PKHD1: variants seen among roughly 807,000 people sequenced by gnomAD.
The protein encoded by PKHD1 is fibrocystin.
Under a neutral mutation model 412.0 loss-of-function variants are expected in PKHD1, and 291 were observed. That is an observed-to-expected ratio of 0.71 (90% CI 0.64 to 0.78). The LOEUF (loss-of-function observed/expected upper bound fraction) is 0.78, where lower values mean the gene tolerates loss of function less well. PKHD1 is among the 30% of genes least tolerant of loss of function. The pLI is 0.00. For synonymous variants in PKHD1, 1,777 were observed against 1,821.5 expected, an observed-to-expected ratio of 0.98 and a Z score of 0.62; for missense variants, 4,825 against 4,950.7, an observed-to-expected ratio of 0.97 and a Z score of 0.76.
At chr6:52,018,503 T>C (rs756328082) in intron 33 of PKHD1, among the ~76,000 whole-genome samples, 1 of 152,188 alleles carries the variant, frequency 6.6e-6, no homozygotes, top group Non-Finnish European at 1.5e-5. Context: ...TCATTACTTT[T>C]AGGTTGACCA....
intron 60 of PKHD1, among the ~76,000 whole-genome samples, chr6:51,713,953 C>A (rs964162837): frequency 6.6e-6 from 1 of 152,142 alleles, no homozygotes; most frequent in African/African-American, 2.4e-5. Flanking sequence ...TTGCATCAGA[C>A]AATTCCTGTC....
At chr6:51,905,460 G>GT (rs1781934593) in intron 41 of PKHD1, among the ~76,000 whole-genome samples, 1 of 152,158 alleles carries the variant, frequency 6.6e-6, no homozygotes, top group South Asian at 2.1e-4. Context: ...CAAGAGAAGA[G>GT]TAAGTGGCAT....
intron 53 of PKHD1, among the ~76,000 whole-genome samples, chr6:51,784,387 T>C (rs976457330): frequency 6.6e-6 from 1 of 152,144 alleles, no homozygotes; most frequent in Non-Finnish European, 1.5e-5. Context: ...TTGAAACAAA[T>C]CAATTATCTC....
intron 35 of PKHD1, among the ~76,000 whole-genome samples, chr6:51,965,429 T>C (rs1384414240): frequency 6.6e-6 from 1 of 152,110 alleles, no homozygotes; most frequent in Non-Finnish European, 1.5e-5. Context: ...TGTAGAAAAG[T>C]CAACTATCTA....
At chr6:51,688,257 A>C (rs1279471152) in intron 60 of PKHD1, among the ~76,000 whole-genome samples, 3 of 152,340 alleles carry the variant, frequency 2.0e-5, no homozygotes, top group Middle Eastern at 3.4e-3. Context: ...TGGTTTGTTA[A>C]ACACAACCCC....
At chr6:51,996,965 C>T (rs1797789777) in intron 35 of PKHD1, among the ~76,000 whole-genome samples, 2 of 152,208 alleles carry the variant, frequency 1.3e-5, no homozygotes, top group Admixed American at 6.5e-5. Context: ...TATAAGTGCA[C>T]AGTGATCACT....
At chr6:51,691,664 G>T (rs1246866073) in intron 60 of PKHD1, among the ~76,000 whole-genome samples, 1 of 152,108 alleles carries the variant, frequency 6.6e-6, no homozygotes, top group Non-Finnish European at 1.5e-5. Context: ...GATGGGTAGA[G>T]GGTAGAAGAA....
rs531523068 is a variant in PKHD1 at position 51,717,467 on chromosome 6, C to T, written c.10156+26918G>A. ...ATGATGGTCCCAAAAGATTAAAATA[C>T]TGTAATTTTATAATACTATATTTAC... On this transcript the variant is annotated intron_variant, in intron 60 of 66. Coordinates refer to ENST00000371117, the MANE Select transcript of PKHD1 (RefSeq NM_138694.4). 2.9e-4 allele frequency among the ~76,000 whole-genome samples: 44 copies of T among 151,604 alleles called. 1 individual carries two copies. Among genetic ancestry groups the T allele is most frequent in the African/African-American group, 1.0e-3 (42 of 41,358 alleles).
At chr6:51,975,928 C>T (rs1475899231) in intron 35 of PKHD1, 2 of 138,704 alleles carry the variant, frequency 1.4e-5, no homozygotes, top group Non-Finnish European at 3.0e-5. Context: ...CACAGCACTC[C>T]AGCCGGGATA....
At chr6:51,663,525 A>G (rs1163303587) in intron 60 of PKHD1, among the ~76,000 whole-genome samples, 2 of 152,184 alleles carry the variant, frequency 1.3e-5, no homozygotes, top group South Asian at 2.1e-4. Context: ...TTATCTCTTC[A>G]GGTCAGGGAC....
intron 60 of PKHD1, among the ~76,000 whole-genome samples, chr6:51,737,238 T>C (rs1783969708): frequency 1.3e-5 from 2 of 152,192 alleles, no homozygotes; most frequent in Non-Finnish European, 2.9e-5. Flanking sequence ...TTGCTGGAAA[T>C]AATGCCAAGG....
intron 53 of PKHD1, among the ~76,000 whole-genome samples, chr6:51,785,109 A>C (rs1792658073): frequency 6.6e-6 from 1 of 152,206 alleles, no homozygotes; most frequent in Admixed American, 6.5e-5. Flanking sequence ...TTCAAATGAC[A>C]GAAAGAATGC....
intron 60 of PKHD1, among the ~76,000 whole-genome samples, chr6:51,679,212 T>C (rs140788626): frequency 2.2e-3 from 335 of 152,216 alleles, no homozygotes; most frequent in Non-Finnish European, 3.0e-3. Flanking sequence ...AAATCTTTCA[T>C]GGCTGCTTAT....
chr6:52,065,077 ATGTG>A, intron 12 of PKHD1, 27 bp from the exon 13 acceptor site: 1 of 1,151,842 alleles, frequency 8.7e-7, no homozygotes, highest in Non-Finnish European at 1.2e-6. Context: ...AAATTTATGT[ATGTG>A]TGTGTGTGTA....
intron 13 of PKHD1, among the ~76,000 whole-genome samples, chr6:52,064,126 G>A (rs1400546942): frequency 1.3e-5 from 2 of 152,204 alleles, no homozygotes; most frequent in Non-Finnish European, 2.9e-5. Context: ...CCTTTCTTTA[G>A]AAAGGTTTCT....
chr6:52,080,046 C>A (rs1440235297), intron 4 of PKHD1, 38 bp from the exon 5 acceptor site: 1 of 1,229,692 alleles, frequency 8.1e-7, no homozygotes, highest in East Asian at 2.3e-5. Context: ...GAATCAAAAA[C>A]CATGAATTCC....
At chr6:51,932,551 G>A (rs945825801) in intron 37 of PKHD1, among the ~76,000 whole-genome samples, 2 of 152,172 alleles carry the variant, frequency 1.3e-5, no homozygotes, top group African/African-American at 4.8e-5. Flanking sequence ...AACATATTGG[G>A]TTAGTGGCTT....
At chr6:51,999,352 A>AGTTTTT (rs1466675898) in intron 35 of PKHD1, among the ~76,000 whole-genome samples, 1 of 151,690 alleles carries the variant, frequency 6.6e-6, no homozygotes, top group East Asian at 1.9e-4. Flanking sequence ...GAGACACAGG[A>AGTTTTT]GTTTTTGTTT....
chr6:51,912,453 G>C lies in PKHD1; in HGVS notation c.6245C>G (p.Thr2082Arg). 1.2e-6 allele frequency: 2 copies of C among 1,612,632 alleles called. No individual in the cohort carries two copies. Among genetic ancestry groups the C allele is most frequent in the Non-Finnish European group, 1.7e-6 (2 of 1,178,906 alleles). Residue 2082 changes from threonine to arginine, a missense_variant, in exon 38 of 67, where the codon ACA becomes AGA. Coordinates refer to ENST00000371117, the MANE Select transcript of PKHD1 (RefSeq NM_138694.4). ...CATCGGTTTGGCACCTTTAACACCT[G>C]TTCCACTGATGATGACAACTTCATC... The part of the protein sequence containing the change: ...PGDEVVIISG[T>R]GVKGAKPMEE...
Sources: gnomAD v4.1 joint callset for allele counts (sites outside exome capture counted in the v4.1 genomes callset) on GRCh38, gnomAD v4.1.1 for gene constraint, MANE v1.5 for transcripts, NCBI Gene and HGNC (gene_info 2026-07-23, HGNC 2026-07-21) for gene names.